Variants in RPS23 observed in about 807,000 individuals in gnomAD.
RPS23 encodes ribosomal protein S23, also known as small ribosomal subunit protein uS12.
For synonymous variants in RPS23, 66 were observed against 60.4 expected, an observed-to-expected ratio of 1.09 and a Z score of -0.43; for missense variants, 73 against 174.5, an observed-to-expected ratio of 0.42 and a Z score of 3.28.
intron 3 of RPS23, 53 bp downstream of exon 3, chr5:82,276,345 T>C (rs749718367): frequency 2.2e-5 from 35 of 1,613,118 alleles, no homozygotes; most frequent in Non-Finnish European, 2.9e-5. Context: ...CAGATAAAAA[T>C]GTGAGGGAGG....
At chr5:82,278,088 G>C in intron 1 of RPS23, 1 of 666,918 alleles carries the variant, frequency 1.5e-6, no homozygotes, top group East Asian at 2.7e-5. Context: ...CGAATGCCCG[G>C]GAGGAAGCGC....
intron 3 of RPS23, 27 bp downstream of exon 3, chr5:82,276,371 A>T: frequency 6.2e-7 from 1 of 1,613,810 alleles, no homozygotes; most frequent in Non-Finnish European, 8.5e-7. Flanking sequence ...CCAAGAACAG[A>T]AGGTACGATA....
At position 82,273,923 on chromosome 5, in the gene RPS23, A is replaced by G. The variant is rs1747713427; in HGVS notation, c.*2186T>C. ...TTTAATGAAATCCACCAATTTATCT[A>G]TTTTTTCTTTTACGGCATGTGCTTT... On this transcript the variant is annotated 3_prime_UTR_variant, in exon 4 of 4. Transcript: ENST00000296674. The G allele has an allele frequency of 6.6e-6, 1 of 151,968 alleles. No homozygotes were observed. The highest frequency in any genetic ancestry group is 1.5e-5 in the Non-Finnish European group (1 of 67,978). 9.4% of individuals were successfully genotyped at this position (151,968 alleles called of 1,614,324 possible). A position where few individuals can be genotyped will look rare whatever the true frequency, so the allele number is the denominator to read the frequency against.
rs1473097607 is a variant in RPS23, at chr5:82,276,384, G to C, written c.285+14C>G. On this transcript the variant is annotated intron_variant, in intron 3 of 3. Coordinates refer to ENST00000296674, the MANE Select transcript of RPS23 (RefSeq NM_001025.5). ...CCCCAAGAACAGAAGGTACGATAGA[G>C]TTGAAATACTCACCTCAATAAAGTT... 2 of 1,613,912 alleles carry C rather than the reference G, an allele frequency of 1.2e-6. No homozygotes were observed. Among genetic ancestry groups the C allele is most frequent in the East Asian group, 2.2e-5 (1 of 44,880 alleles).
chr5:82,276,180 T>C lies in RPS23; in HGVS notation c.361A>G (p.Lys121Glu). 1 of 1,612,140 alleles carries C rather than the reference T, an allele frequency of 6.2e-7. No homozygotes were observed. The highest frequency in any genetic ancestry group is 8.5e-7 in the Non-Finnish European group (1 of 1,179,512). The change falls in exon 4 of 4, where the codon AAG becomes GAG. Residue 121 changes from lysine to glutamate, a missense_variant. Transcript: ENST00000296674. ...GAAACATTGGCTACTTTGACAACCTTAAAGCGGACTCCAGGAATATCACCA... is the reference window on the plus strand; with the variant it reads ...GAAACATTGGCTACTTTGACAACCTCAAAGCGGACTCCAGGAATATCACCA... ...AVGDIPGVRF[K>E]VVKVANVSLL...
rs1251680773 is a variant in RPS23, at chr5:82,276,470, C to T, written c.213G>A (p.Arg71=). The T allele has an allele frequency of 6.2e-7, 1 of 1,613,900 alleles. No homozygotes were observed. The highest frequency in any genetic ancestry group is 1.7e-5 in the Admixed American group (1 of 60,016). ...QPNSAIRKCV[R]VQLIKNGKKI... The stretch of plus-strand genomic sequence containing the variant: ...TCTTGCCATTCTTGATCAGCTGGAC[C>T]CTTACACACTTCCTAATGGCAGAAT... Residue 71 remains arginine (R), a synonymous_variant, in exon 3 of 4, where the codon AGG becomes AGA. Transcript: ENST00000296674.
In RPS23 at chr5:82,277,251, AATT is replaced by A. The variant is rs1057368617; in HGVS notation, c.164+439_164+441del. Reference sequence around the variant, plus strand: ...CATCAAATATGATAGAACTATATGAAATTATTATTTTAAAAAGTCAAAACCAGT... The same window carrying A: ...CATCAAATATGATAGAACTATATGAAATTATTTTAAAAAGTCAAAACCAGT... On this transcript the variant is annotated intron_variant, in intron 2 of 3. Coordinates refer to ENST00000296674, the MANE Select transcript of RPS23 (RefSeq NM_001025.5). 1.3e-4 allele frequency: 27 copies of A among 201,392 alleles called. 1 individual carries two copies. The highest frequency in any genetic ancestry group is 9.4e-4 in the Admixed American group (16 of 16,992). The allele number at this position is 201,392 out of a possible 1,614,324, so 12.5% of individuals were successfully genotyped here.
rs768526646 is a variant in RPS23 at position 82,277,709 on chromosome 5, T to C, written c.148A>G (p.Ile50Val). The change falls in exon 2 of 4, where the codon ATC (isoleucine) becomes GTC (valine). Residue 50 changes from isoleucine (I) to valine (V), a missense_variant. Coordinates refer to ENST00000296674, the MANE Select transcript of RPS23 (RefSeq NM_001025.5). ...TGGACTTACACTTTTTCCAGCACGA[T>C]TCCTTTTGCATGAGAAGCACCTCCA... ...PFGGASHAKG[I>V]VLEKVGVEAK... 1 of 1,613,878 alleles carries C rather than the reference T, an allele frequency of 6.2e-7. No homozygotes were observed. The highest frequency in any genetic ancestry group is 8.5e-7 in the Non-Finnish European group (1 of 1,179,888).
rs1414300767 is a variant in RPS23, at chr5:82,273,809, C to T, written c.*2300G>A. 3 of 152,180 alleles carry T rather than the reference C, an allele frequency of 2.0e-5. No individual in the cohort carries two copies. The highest frequency in any genetic ancestry group is 7.2e-5 in the African/African-American group (3 of 41,434). The allele number at this position is 152,180 out of a possible 1,614,324, so 9.4% of individuals were successfully genotyped here. ...TGGCCTCAAGCTATTAATTTCTTCC[C>T]AACTCAGCCTCCCAAAGTGCTGGGA... On this transcript the variant is annotated 3_prime_UTR_variant, in exon 4 of 4. Transcript: ENST00000296674.
Position 82,275,404 on chromosome 5 carries a change from C to A in RPS23, c.*705G>T. The A allele has an allele frequency of 1.5e-6, 1 of 688,092 alleles. No homozygotes were observed. The highest frequency in any genetic ancestry group is 1.5e-5 in the South Asian group (1 of 65,256). The allele number at this position is 688,092 out of a possible 1,614,324, so 42.6% of individuals were successfully genotyped here. The stretch of plus-strand genomic sequence containing the variant: ...TACACTAAACCACTTCATTTGCTGA[C>A]TAGTCTTTGAAGACATGAAGGTCTC... On this transcript the variant is annotated 3_prime_UTR_variant, in exon 4 of 4. Transcript: ENST00000296674.
At chr5:82,278,166 CG>C in intron 1 of RPS23, 153 bp downstream of exon 1, 2 of 1,010,592 alleles carry the variant, frequency 2.0e-6, no homozygotes, top group Non-Finnish European at 2.9e-6. Context: ...CCTTCCGCGC[CG>C]GACCACGTGC....
intron 1 of RPS23, chr5:82,278,071 C>T (rs1581867964): frequency 1.5e-6 from 1 of 661,602 alleles, no homozygotes. Flanking sequence ...AAGGACGAGG[C>T]CCCGCTCGAA....
chr5:82,276,161 T>C lies in RPS23; in HGVS notation c.380A>G (p.Asn127Ser), dbSNP rs565702724. ...TTTGTATAGGGCCAAAAGAGAAACA[T>C]TGGCTACTTTGACAACCTTAAAGCG... Reference protein sequence around the residue: ...GVRFKVVKVANVSLLALYKGK... With the variant: ...GVRFKVVKVASVSLLALYKGK... The change falls in exon 4 of 4, where the codon AAT becomes AGT. Residue 127 changes from asparagine (N) to serine (S), a missense_variant. Coordinates refer to ENST00000296674, the MANE Select transcript of RPS23 (RefSeq NM_001025.5). The C allele has an allele frequency of 4.1e-5, 66 of 1,611,560 alleles. No individual in the cohort carries two copies. The highest frequency in any genetic ancestry group is 1.1e-4 in the African/African-American group (8 of 74,918).
Position 82,275,331 on chromosome 5 carries a change from GTACTCAA to G in RPS23, c.*771_*777del, listed in dbSNP as rs1282565456. 2.8e-6 allele frequency: 2 copies of G among 702,442 alleles called. No individual in the cohort carries two copies. Among genetic ancestry groups the G allele is most frequent in the African/African-American group, 3.5e-5 (2 of 57,266 alleles). 43.5% of individuals were successfully genotyped at this position (702,442 alleles called of 1,614,324 possible). On this transcript the variant is annotated 3_prime_UTR_variant, in exon 4 of 4. Transcript: ENST00000296674. ...TATTTGTGGACAGCAAAATCCACAT[GTACTCAA>G]TACCTAGCTTAAATTATCAAAACAC...
At chr5:82,277,385 T>C (rs957237598) in intron 2 of RPS23, 4 of 387,966 alleles carry the variant, frequency 1.0e-5, no homozygotes, top group African/African-American at 6.2e-5. Context: ...TAAAGTTCAA[T>C]AGCTGACACG....
rs1015227880 is a variant in RPS23, at chr5:82,274,481, G to C, written c.*1628C>G. ...TGCAAGCCATTGTTGAAGGTGTCTT[G>C]ACGTATCAGAGAAGGCAGGTAACCA... On this transcript the variant is annotated 3_prime_UTR_variant, in exon 4 of 4. Transcript: ENST00000296674. 6.6e-6 allele frequency: 1 copy of C among 152,472 alleles called. No homozygotes were observed. Among genetic ancestry groups the C allele is most frequent in the African/African-American group, 2.4e-5 (1 of 41,452 alleles). The allele number at this position is 152,472 out of a possible 1,614,324, so 9.4% of individuals were successfully genotyped here. A position where few individuals can be genotyped will look rare whatever the true frequency, so the allele number is the denominator to read the frequency against.
intron 2 of RPS23, chr5:82,277,448 C>T (rs141217851): frequency 3.5e-5 from 18 of 516,914 alleles, no homozygotes; most frequent in Non-Finnish European, 3.1e-5. Flanking sequence ...TCCTTTACTT[C>T]ATCATTGCTA....
Position 82,275,325 on chromosome 5 carries a change from C to T in RPS23, c.*784G>A, listed in dbSNP as rs747813039. ...AACAAGTATTTGTGGACAGCAAAAT[C>T]CACATGTACTCAATACCTAGCTTAA... On this transcript the variant is annotated 3_prime_UTR_variant, in exon 4 of 4. Transcript: ENST00000296674. 2 of 702,476 alleles carry T rather than the reference C, an allele frequency of 2.8e-6. No homozygotes were observed. The highest frequency in any genetic ancestry group is 3.5e-5 in the African/African-American group (2 of 57,256). 43.5% of individuals were successfully genotyped at this position (702,476 alleles called of 1,614,324 possible).
intron 1 of RPS23, 146 bp from the exon 2 acceptor site, chr5:82,277,998 T>G (rs1263226206): frequency 5.2e-6 from 4 of 775,230 alleles, no homozygotes; most frequent in Non-Finnish European, 8.2e-6. Context: ...ACATTTGGCC[T>G]TCAAGTTGCC....
Sources: gnomAD v4.1 joint callset for allele counts on GRCh38, gnomAD v4.1.1 for gene constraint, MANE v1.5 for transcripts, NCBI Gene and HGNC (gene_info 2026-07-23, HGNC 2026-07-21) for gene names.